The following SNED1 variants were observed in gnomAD, a reference collection of about 807,000 sequenced individuals.
SNED1 encodes sushi, nidogen and EGF-like domain-containing protein 1.
A neutral mutation model predicts 166.7 loss-of-function variants in SNED1; 81 were observed. The observed-to-expected ratio is 0.49, with a 90% CI of 0.41 to 0.58. SNED1 has a LOEUF of 0.58. Among genes scored for constraint, SNED1 ranks in the 20% least tolerant of loss-of-function variants. SNED1 has a pLI of 0.00. For synonymous variants in SNED1, 762 were observed against 822.0 expected (o/e 0.93, Z 1.25); for missense variants, 1,604 against 2,000.2 (o/e 0.80, Z 3.78).
Position 241,033,802 on chromosome 2 carries a change from C to G in SNED1, c.569C>G (p.Ser190Cys). The change falls in exon 3 of 32, where the codon TCC (serine) becomes TGC (cysteine). Residue 190 changes from serine to cysteine, a missense_variant. Ser to Cys is a moderately radical substitution (Grantham distance 112, BLOSUM62 -1). This residue lies in a region of SNED1 where 1,237 missense variants were observed against 1,620.8 expected (regional missense o/e 0.76). Coordinates refer to ENST00000310397, the MANE Select transcript of SNED1 (RefSeq NM_001080437.3). ...TCCTTCACCATCTTCAACTATGAGT[C>G]CATCGTGTGGACCACAGGCACACAC... ...KLSFTIFNYE[S>C]IVWTTGTHAS... 1 of 1,611,290 alleles carries G rather than the reference C, an allele frequency of 6.2e-7. No homozygotes were observed. Among genetic ancestry groups the G allele is most frequent in the Non-Finnish European group, 8.5e-7 (1 of 1,179,320 alleles).
intron 1 of SNED1, among the ~76,000 whole-genome samples, chr2:241,011,698 G>A (rs1426738801): frequency 6.6e-6 from 1 of 152,246 alleles, no homozygotes; most frequent in Non-Finnish European, 1.5e-5. Context: ...AGAAGGAGAG[G>A]GACCCCAGTG....
rs2062870696 is a variant in SNED1 at position 241,073,818 on chromosome 2, G to A, written c.3916+454G>A. The A allele has an allele frequency of 4.0e-6, 1 of 250,078 alleles. No individual in the cohort carries two copies. The highest frequency in any genetic ancestry group is 7.7e-6 in the Non-Finnish European group (1 of 130,086). 15.5% of individuals were successfully genotyped at this position (250,078 alleles called of 1,614,324 possible). On this transcript the variant is annotated intron_variant, in intron 27 of 31. Coordinates refer to ENST00000310397, the MANE Select transcript of SNED1 (RefSeq NM_001080437.3). This position sits in a 1 kb window ranked among gnomAD's most constrained non-coding sequence, Gnocchi z 6.6. Reference sequence around the variant, plus strand: ...CTAGCTGGGCCCTGTGGACACTCAGGTTATGCAGGACCTGAACTGTCTCCT... The same window carrying A: ...CTAGCTGGGCCCTGTGGACACTCAGATTATGCAGGACCTGAACTGTCTCCT...
chr2:241,089,656 C>T (rs2063783883), intron 31 of SNED1, among the ~76,000 whole-genome samples: 1 of 152,252 alleles, frequency 6.6e-6, no homozygotes, highest in African/African-American at 2.4e-5. Context: ...ACCTCACCCT[C>T]CAAAGACACA....
rs1057471124 is a variant in SNED1, at chr2:241,087,621, G to T, written c.4205+146G>T. 5 of 1,440,006 alleles carry T rather than the reference G, an allele frequency of 3.5e-6. No homozygotes were observed. In the African/African-American group the frequency reaches 7.2e-5, roughly 21 times the overall value. 89.2% of individuals were successfully genotyped at this position (1,440,006 alleles called of 1,614,324 possible). On this transcript the variant is annotated intron_variant, in intron 30 of 31. Coordinates refer to ENST00000310397, the MANE Select transcript of SNED1 (RefSeq NM_001080437.3). ...AGATAGGCAGCCCCTGGGCAGCCAC[G>T]TTCTGCTACGAAACTGTATGTCCAT...
At chr2:241,057,360 C>T (rs146962448) in intron 16 of SNED1, among the ~76,000 whole-genome samples, 2,234 of 136,670 alleles carry the variant, frequency 0.016, 163 homozygotes, top group Admixed American at 0.12. Flanking sequence ...GCCTGGGCGA[C>T]GAGCAAAACT....
intron 27 of SNED1, among the ~76,000 whole-genome samples, chr2:241,079,503 CCT>C (rs2063222584): frequency 6.6e-6 from 1 of 151,604 alleles, no homozygotes; most frequent in South Asian, 2.1e-4. Flanking sequence ...CAAATTTTGT[CCT>C]CATTTTAATA....
In SNED1 at chr2:241,068,923, T is replaced by A; in HGVS notation, c.3207T>A (p.Pro1069=). The A allele has an allele frequency of 6.4e-7, 1 of 1,551,864 alleles. No individual in the cohort carries two copies. Among genetic ancestry groups the A allele is most frequent in the South Asian group, 1.2e-5 (1 of 84,086 alleles). Residue 1069 remains proline (P), a synonymous_variant, in exon 23 of 32, where the codon CCT becomes CCA. Transcript: ENST00000310397. The surrounding 1 kb of genome is among the most constrained non-coding windows in gnomAD (Gnocchi z 5.3). ...VDRFTFRALL[P]GKRYTIQLTT... ...CTCCTGCCCACAGGGCCCTGCTGCC[T>A]GGGAAGAGGTACACCATCCAGCTGA...
chr2:241,073,112 T>G lies in SNED1; in HGVS notation c.3818-154T>G. The stretch of plus-strand genomic sequence containing the variant: ...GCCAGCCCTTCAGGGGAGGCAGCTC[T>G]GGGGCCGACAGGTGCTGGGGCCACG... On this transcript the variant is annotated intron_variant, in intron 26 of 31. Transcript: ENST00000310397. The surrounding 1 kb of genome is among the most constrained non-coding windows in gnomAD (Gnocchi z 6.6). 1.7e-6 allele frequency: 1 copy of G among 604,968 alleles called. No individual in the cohort carries two copies. Among genetic ancestry groups the G allele is most frequent in the African/African-American group, 1.9e-5 (1 of 54,034 alleles). The allele number at this position is 604,968 out of a possible 1,614,324, so 37.5% of individuals were successfully genotyped here. A position where few individuals can be genotyped will look rare whatever the true frequency, so the allele number is the denominator to read the frequency against.
At position 241,033,743 on chromosome 2, in the gene SNED1, A is replaced by G. The variant is rs1025679277; in HGVS notation, c.510A>G (p.Thr170=). 79 of 1,611,672 alleles carry G rather than the reference A, an allele frequency of 4.9e-5. No homozygotes were observed. Among genetic ancestry groups the G allele is most frequent in the Non-Finnish European group, 6.4e-5 (76 of 1,179,510 alleles). The stretch of plus-strand genomic sequence containing the variant: ...CCCCCTCTCCCCGGCAGGTCAACAC[A>G]TTCCAGACTGTGCTCATCACAGACG... ...FGGSSSSPVN[T]FQTVLITDGK... The change falls in exon 3 of 32, where the codon ACA becomes ACG. Residue 170 remains threonine (T), a synonymous_variant. Transcript: ENST00000310397.
Position 241,049,104 on chromosome 2 carries a change from C to T in SNED1, c.1587C>T (p.Cys529=), listed in dbSNP as rs762673951. 3.1e-6 allele frequency: 5 copies of T among 1,611,892 alleles called. No homozygotes were observed. The Admixed American group carries it at 5.0e-5, about 16-fold the overall frequency. The change falls in exon 11 of 32, where the codon TGC becomes TGT. Residue 529 remains cysteine (C), a synonymous_variant. Coordinates refer to ENST00000310397, the MANE Select transcript of SNED1 (RefSeq NM_001080437.3). ...TGGAGCACGGCGGGAGCTACCTCTGCGTCTGCCACACCGACCACAATGCCA... is the reference window on the plus strand; with the variant it reads ...TGGAGCACGGCGGGAGCTACCTCTGTGTCTGCCACACCGACCACAATGCCA... ...YCMEHGGSYL[C]VCHTDHNASH...
chr2:241,019,634 C>T (rs1281911165), intron 1 of SNED1, among the ~76,000 whole-genome samples: 4 of 152,224 alleles, frequency 2.6e-5, no homozygotes, highest in African/African-American at 4.8e-5. Context: ...GCCTCGTCCA[C>T]AATGATGGCT....
intron 1 of SNED1, among the ~76,000 whole-genome samples, chr2:241,003,241 G>A (rs982660807): frequency 6.6e-6 from 1 of 151,914 alleles, no homozygotes; most frequent in African/African-American, 2.4e-5. Flanking sequence ...GTTGGGATGT[G>A]CACCCCATGA....
chr2:241,037,997 T>C (rs977573344), intron 6 of SNED1, among the ~76,000 whole-genome samples: 1 of 152,104 alleles, frequency 6.6e-6, no homozygotes, highest in African/African-American at 2.4e-5. Context: ...CAGCCTCTAC[T>C]TACTGCCCTT....
chr2:241,045,178 T>C (rs2061615413), intron 8 of SNED1, among the ~76,000 whole-genome samples: 1 of 152,182 alleles, frequency 6.6e-6, no homozygotes, highest in Non-Finnish European at 1.5e-5. Flanking sequence ...TGGACAGACA[T>C]ACCATGTTCA....
chr2:241,057,380 A>AATATATATATATATATATATATATATAT (rs57902432), intron 16 of SNED1, among the ~76,000 whole-genome samples: 6 of 118,102 alleles, frequency 5.1e-5, no homozygotes, highest in East Asian at 2.9e-4. Context: ...TCCATCTCAA[A>AATATATATATATATATATATATATATAT]ATATATATAT....
At chr2:241,076,933 G>T (rs1011761709) in intron 27 of SNED1, among the ~76,000 whole-genome samples, 1 of 152,172 alleles carries the variant, frequency 6.6e-6, no homozygotes, top group African/African-American at 2.4e-5. Flanking sequence ...CAAAAAATTA[G>T]CTGGGCATGG....
At chr2:241,039,958 C>A in intron 6 of SNED1, 117 bp from the exon 7 acceptor site, 1 of 799,062 alleles carries the variant, frequency 1.3e-6, no homozygotes, top group East Asian at 2.7e-5. Flanking sequence ...GCCTGCCAGG[C>A]CCCCCTGCAA....
Position 241,052,039 on chromosome 2 carries a change from A to C in SNED1, c.1853-2A>C. On this transcript the variant is annotated splice_acceptor_variant, in intron 13 of 31. Transcript: ENST00000310397. LOFTEE classifies it high-confidence loss of function. ...TGACCCTGACCTGGCTTCTGTTTCC[A>C]GGGAAGCCAGACTCGTGTGCCTCTG... is the stretch of plus-strand genomic sequence containing the variant. The C allele has an allele frequency of 6.2e-7, 1 of 1,613,324 alleles. No individual in the cohort carries two copies. The highest frequency in any genetic ancestry group is 8.5e-7 in the Non-Finnish European group (1 of 1,179,502).
At chr2:241,081,910 A>T in intron 28 of SNED1, 117 bp downstream of exon 28, 3 of 779,922 alleles carry the variant, frequency 3.8e-6, no homozygotes, top group Non-Finnish European at 6.4e-6. Flanking sequence ...GGTGCCAGAC[A>T]GGGAGTCTGG....
Sources: gnomAD v4.1 joint callset for allele counts (sites outside exome capture counted in the v4.1 genomes callset) on GRCh38, gnomAD v4.1.1 for gene constraint, gnomAD v4.1.1 regional missense constraint, Gnocchi (gnomAD v3.1) non-coding constraint, MANE v1.5 for transcripts, NCBI Gene and HGNC (gene_info 2026-07-23, HGNC 2026-07-21) for gene names.